ADAMTS18: variants seen among roughly 807,000 people sequenced by gnomAD.
ADAMTS18 encodes the protein A disintegrin and metalloproteinase with thrombospondin motifs 18.
Under a neutral mutation model 165.9 loss-of-function variants are expected in ADAMTS18, and 157 were observed. The observed-to-expected ratio is 0.95, with a 90% confidence interval of 0.83 to 1.08. The LOEUF is 1.08. Ranked by LOEUF, ADAMTS18 falls within the 50% of genes least tolerant of loss-of-function variation. The pLI, the probability that ADAMTS18 is intolerant of heterozygous loss-of-function variation, is 0.00. For synonymous variants in ADAMTS18, 782 were observed against 578.2 expected, an observed-to-expected ratio of 1.35 and a Z score of -5.06; for missense variants, 2,040 against 1,534.0, an observed-to-expected ratio of 1.33 and a Z score of -5.51.
At chr16:77,324,668 T>A (rs552176324) in intron 13 of ADAMTS18, among the ~76,000 whole-genome samples, 1 of 152,124 alleles carries the variant, frequency 6.6e-6, no homozygotes, top group African/African-American at 2.4e-5. Flanking sequence ...AGGAAGAATA[T>A]GTTGACAGGC....
At chr16:77,408,650 A>C (rs2057422271) in intron 3 of ADAMTS18, among the ~76,000 whole-genome samples, 1 of 152,182 alleles carries the variant, frequency 6.6e-6, no homozygotes, top group Non-Finnish European at 1.5e-5. Context: ...AAAAAAGGCA[A>C]AACTAACCTT....
rs562833187 is a variant in ADAMTS18, at chr16:77,431,604, G to A, written c.186C>T (p.Val62=). ...AGTCTACTTCTACTGGCGTGACAAA[G>A]ACGTAATCTGCAATGGGAAAAGTTC... The part of the protein sequence containing the change: ...SGASGLNDDY[V]FVTPVEVDSA... Residue 62 remains valine, a synonymous_variant, in exon 3 of 23, where the codon GTC becomes GTT. Transcript: ENST00000282849. 6.2e-7 allele frequency: 1 copy of A among 1,613,908 alleles called. No individual in the cohort carries two copies. Among genetic ancestry groups the A allele is most frequent in the East Asian group, 2.2e-5 (1 of 44,870 alleles).
intron 3 of ADAMTS18, among the ~76,000 whole-genome samples, chr16:77,410,881 A>G (rs760021620): frequency 7.2e-5 from 11 of 152,172 alleles, no homozygotes; most frequent in Non-Finnish European, 1.6e-4. Context: ...ATCATTCTAA[A>G]ACCTTCCTTT....
chr16:77,412,632 A>G lies in ADAMTS18; in HGVS notation c.495+18663T>C, dbSNP rs1316831743. On this transcript the variant is annotated intron_variant, in intron 3 of 22. Transcript: ENST00000282849. Reference sequence around the variant, plus strand: ...AGTTCCACATGGCTGAGAAGGTCTCACAATCATGGTGGAAGGTGAAACGCA... The same window carrying G: ...AGTTCCACATGGCTGAGAAGGTCTCGCAATCATGGTGGAAGGTGAAACGCA... Among the ~76,000 whole-genome samples, 4 of 152,350 alleles carry G rather than the reference A, an allele frequency of 2.6e-5. No homozygotes were observed. In the East Asian group the frequency reaches 7.7e-4, roughly 29 times the overall value.
intron 3 of ADAMTS18, among the ~76,000 whole-genome samples, chr16:77,416,499 T>G (rs1490174508): frequency 1.3e-5 from 2 of 152,164 alleles, no homozygotes; most frequent in Admixed American, 1.3e-4. Flanking sequence ...TGAGTAAGAC[T>G]CAGGAGATCT....
intron 3 of ADAMTS18, among the ~76,000 whole-genome samples, chr16:77,395,745 TA>T (rs1045172389): frequency 2.0e-5 from 3 of 151,240 alleles, no homozygotes; most frequent in South Asian, 2.1e-4. Flanking sequence ...ACTAAGGATT[TA>T]AAAAAAAATA....
At position 77,434,483 on chromosome 16, in the gene ADAMTS18, C is replaced by A. The variant is rs540472609; in HGVS notation, c.113G>T (p.Cys38Phe). 9 of 1,567,830 alleles carry A rather than the reference C, an allele frequency of 5.7e-6. No homozygotes were observed. In the South Asian group the frequency reaches 8.1e-5, roughly 14 times the overall value. Residue 38 changes from cysteine (C) to phenylalanine (F), a missense_variant, in exon 2 of 23, where the codon TGC (cysteine) becomes TTC (phenylalanine). Transcript: ENST00000282849. Reference protein sequence around the residue: ...VAKALQLCCLCCASVAAALAS... With the variant: ...VAKALQLCCLFCASVAAALAS... Reference sequence around the variant, plus strand: ...TAAGGCCGCGGCGACCGACGCACAGCAGAGGCAGCACAGCTGGAGCGCCTG... The same window carrying A: ...TAAGGCCGCGGCGACCGACGCACAGAAGAGGCAGCACAGCTGGAGCGCCTG...
At chr16:77,289,438 C>CAGAAACACTCT in intron 21 of ADAMTS18, 27 bp from the exon 22 acceptor site, 17 of 1,612,908 alleles carry the variant, frequency 1.1e-5, no homozygotes, top group Non-Finnish European at 1.4e-5. Context: ...AGGAAGGAGT[C>CAGAAACACTCT]AGAAACACTC....
At chr16:77,431,189 G>A (rs1442851479) in intron 3 of ADAMTS18, 106 bp downstream of exon 3, 1 of 1,189,194 alleles carries the variant, frequency 8.4e-7, no homozygotes, top group Non-Finnish European at 1.2e-6. Context: ...CTGACAGTGT[G>A]AATGTGTGGA....
chr16:77,362,492 CA>C (rs1013259858), intron 6 of ADAMTS18, among the ~76,000 whole-genome samples: 1 of 152,168 alleles, frequency 6.6e-6, no homozygotes, highest in South Asian at 2.1e-4. Flanking sequence ...CATAGTTCTA[CA>C]AAAAATAACC....
intron 16 of ADAMTS18, among the ~76,000 whole-genome samples, chr16:77,309,360 A>C (rs1329044113): frequency 6.6e-6 from 1 of 152,212 alleles, no homozygotes; most frequent in Non-Finnish European, 1.5e-5. Context: ...AAGAAATTTA[A>C]GACCTAAGAC....
intron 18 of ADAMTS18, among the ~76,000 whole-genome samples, chr16:77,296,013 T>TGA (rs1327647253): frequency 3.4e-5 from 5 of 147,320 alleles, no homozygotes; most frequent in Admixed American, 6.7e-5. Flanking sequence ...AAAAAGTGTG[T>TGA]GTGTGTATAT....
At chr16:77,381,977 G>C (rs28409206) in intron 3 of ADAMTS18, among the ~76,000 whole-genome samples, 1 of 152,038 alleles carries the variant, frequency 6.6e-6, no homozygotes, top group African/African-American at 2.4e-5. Context: ...CACCAATCTA[G>C]TTCAGATTTC....
intron 16 of ADAMTS18, among the ~76,000 whole-genome samples, chr16:77,301,074 A>C (rs914701121): frequency 2.0e-5 from 3 of 152,214 alleles, no homozygotes; most frequent in Non-Finnish European, 2.9e-5. Context: ...CAGAATCAGC[A>C]ATTGGAATAC....
At chr16:77,375,870 T>C (rs1020396247) in intron 3 of ADAMTS18, among the ~76,000 whole-genome samples, 2 of 150,828 alleles carry the variant, frequency 1.3e-5, no homozygotes, top group Non-Finnish European at 3.0e-5. Context: ...AAGGGTTTTA[T>C]GTCGTTTTTT....
intron 10 of ADAMTS18, among the ~76,000 whole-genome samples, chr16:77,345,146 C>T (rs2056457245): frequency 6.6e-6 from 1 of 152,090 alleles, no homozygotes; most frequent in Non-Finnish European, 1.5e-5. Context: ...CTGTGTCCTC[C>T]AGTTGTATTC....
At chr16:77,284,370 T>C (rs1381758095) in intron 22 of ADAMTS18, among the ~76,000 whole-genome samples, 1 of 152,106 alleles carries the variant, frequency 6.6e-6, no homozygotes, top group African/African-American at 2.4e-5. Flanking sequence ...TCAAGTGATC[T>C]GCCTGCTTCG....
At chr16:77,378,635 A>T (rs955643043) in intron 3 of ADAMTS18, among the ~76,000 whole-genome samples, 1 of 152,170 alleles carries the variant, frequency 6.6e-6, no homozygotes, top group African/African-American at 2.4e-5. Context: ...GAATCACTTG[A>T]ACCCAGGTGA....
chr16:77,296,007 AGT>A (rs35084964), intron 18 of ADAMTS18, among the ~76,000 whole-genome samples: 2 of 146,878 alleles, frequency 1.4e-5, no homozygotes, highest in African/African-American at 5.1e-5. Flanking sequence ...GAAAAAAAAA[AGT>A]GTGTGTGTGT....
Sources: gnomAD v4.1 joint callset for allele counts (sites outside exome capture counted in the v4.1 genomes callset) on GRCh38, gnomAD v4.1.1 for gene constraint, MANE v1.5 for transcripts, NCBI Gene and HGNC (gene_info 2026-07-23, HGNC 2026-07-21) for gene names.